NALF1: variants seen among roughly 807,000 people sequenced by gnomAD.
The protein encoded by NALF1 is family with sequence similarity 155 member A.
In NALF1, 3 loss-of-function variants were observed where a neutral mutation model predicts 48.4. That is an observed-to-expected ratio of 0.06 (90% CI 0.03 to 0.16). The LOEUF is 0.16. NALF1 is among the 10% of genes least tolerant of loss of function. The probability of loss-of-function intolerance (pLI) is 1.00; values close to 1 mark genes in which losing one functional copy is unlikely to be tolerated. For missense variants in NALF1, 526 were observed against 571.5 expected (o/e 0.92, Z 0.81); for synonymous variants, 262 against 245.7 (o/e 1.07, Z -0.62).
At chr13:107,860,721 T>C (rs1880549970) in intron 1 of NALF1, among the ~76,000 whole-genome samples, 2 of 152,212 alleles carry the variant, frequency 1.3e-5, no homozygotes, top group Admixed American at 1.3e-4. Context: ...AGAAATAAAA[T>C]TAAAGCAATA....
chr13:107,803,123 G>A (rs1199014217), intron 1 of NALF1, among the ~76,000 whole-genome samples: 4 of 152,112 alleles, frequency 2.6e-5, no homozygotes, highest in Non-Finnish European at 5.9e-5. Context: ...TGTGCTACTA[G>A]GGAATGACCA....
chr13:107,460,685 C>A (rs1205768987), intron 1 of NALF1, among the ~76,000 whole-genome samples: 1 of 152,132 alleles, frequency 6.6e-6, no homozygotes, highest in Non-Finnish European at 1.5e-5. Flanking sequence ...TAATTGTATA[C>A]AGTACGATAT....
intron 1 of NALF1, among the ~76,000 whole-genome samples, chr13:107,783,725 G>A (rs1877990912): frequency 6.6e-6 from 1 of 151,698 alleles, no homozygotes; most frequent in African/African-American, 2.4e-5. Flanking sequence ...CACAAACACT[G>A]CGGAAGGCCG....
At chr13:107,408,742 TGAGA>T (rs1883941921) in intron 1 of NALF1, among the ~76,000 whole-genome samples, 1 of 152,086 alleles carries the variant, frequency 6.6e-6, no homozygotes, top group Admixed American at 6.6e-5. Flanking sequence ...CTTATTCTAC[TGAGA>T]GAGAAAGGCA....
rs892657205 is a variant in NALF1 at position 107,479,591 on chromosome 13, T to C, written c.916-268836A>G. Among the ~76,000 whole-genome samples, 5 of 152,044 alleles carry C rather than the reference T, an allele frequency of 3.3e-5. 1 individual carries two copies. In the South Asian group the frequency reaches 1.0e-3, roughly 31 times the overall value. Reference sequence around the variant, plus strand: ...TTAGAATGGTTAAACAGTTAATTTCTAAACAATTAAAGTACTAGATGAAAT... The same window carrying C: ...TTAGAATGGTTAAACAGTTAATTTCCAAACAATTAAAGTACTAGATGAAAT... On this transcript the variant is annotated intron_variant, in intron 1 of 2. Coordinates refer to ENST00000375915, the MANE Select transcript of NALF1 (RefSeq NM_001080396.3).
intron 1 of NALF1, among the ~76,000 whole-genome samples, chr13:107,807,481 T>C (rs1878836070): frequency 6.6e-6 from 1 of 152,184 alleles, no homozygotes; most frequent in Non-Finnish European, 1.5e-5. Flanking sequence ...ACAGGAAAAG[T>C]CATTGAGCCA....
chr13:107,496,691 G>A (rs538381262), intron 1 of NALF1, among the ~76,000 whole-genome samples: 21 of 152,282 alleles, frequency 1.4e-4, no homozygotes, highest in Admixed American at 2.6e-4. Context: ...ATTTACAAAA[G>A]AAAGAGGTTT....
chr13:107,712,140 A>C (rs1875612247), intron 1 of NALF1, among the ~76,000 whole-genome samples: 2 of 152,192 alleles, frequency 1.3e-5, no homozygotes, highest in Admixed American at 1.3e-4. Context: ...CCTACAATAC[A>C]CACACACATT....
intron 1 of NALF1, among the ~76,000 whole-genome samples, chr13:107,787,249 A>G (rs1045941046): frequency 1.3e-5 from 2 of 152,220 alleles, no homozygotes; most frequent in Non-Finnish European, 2.9e-5. Context: ...AGAAATCCAT[A>G]TATATGCATA....
chr13:107,672,113 G>A (rs547175158), intron 1 of NALF1, among the ~76,000 whole-genome samples: 13 of 152,188 alleles, frequency 8.5e-5, no homozygotes, highest in South Asian at 6.2e-4. Context: ...TCCGGGGTCC[G>A]CATGAGCAGG....
At chr13:107,446,643 A>G (rs1169443707) in intron 1 of NALF1, among the ~76,000 whole-genome samples, 3 of 152,130 alleles carry the variant, frequency 2.0e-5, no homozygotes, top group Non-Finnish European at 4.4e-5. Context: ...CAAAATTTAA[A>G]TATTATTTAT....
intron 2 of NALF1, among the ~76,000 whole-genome samples, chr13:107,183,596 A>G (rs1232039377): frequency 6.6e-6 from 1 of 152,172 alleles, no homozygotes; most frequent in Non-Finnish European, 1.5e-5. Flanking sequence ...ACCAACCCAA[A>G]TGGCCCTCAG....
At chr13:107,326,509 T>C (rs546203822) in intron 1 of NALF1, among the ~76,000 whole-genome samples, 1 of 152,284 alleles carries the variant, frequency 6.6e-6, no homozygotes, top group Non-Finnish European at 1.5e-5. Context: ...CCCCATTTTA[T>C]AGCAATGAAA....
intron 1 of NALF1, among the ~76,000 whole-genome samples, chr13:107,301,429 G>A (rs1881835141): frequency 6.6e-6 from 1 of 152,138 alleles, no homozygotes; most frequent in South Asian, 2.1e-4. Context: ...GTAACATAAA[G>A]TAGTAGCCTC....
chr13:107,251,483 C>T (rs972039732), intron 1 of NALF1, among the ~76,000 whole-genome samples: 5 of 152,288 alleles, frequency 3.3e-5, no homozygotes, highest in African/African-American at 9.6e-5. Context: ...TTGCTGCCTT[C>T]GCCAGTGATG....
intron 1 of NALF1, among the ~76,000 whole-genome samples, chr13:107,276,890 T>A (rs1242748481): frequency 1.3e-5 from 2 of 152,190 alleles, no homozygotes; most frequent in Non-Finnish European, 2.9e-5. Flanking sequence ...ATTTATTTAC[T>A]GAAGATGTCT....
chr13:107,351,299 AG>A (rs1882867785), intron 1 of NALF1, among the ~76,000 whole-genome samples: 1 of 152,146 alleles, frequency 6.6e-6, no homozygotes, highest in African/African-American at 2.4e-5. Flanking sequence ...ATGGTGTGAG[AG>A]TTGCAGATAC....
At chr13:107,184,915 G>C (rs1403564028) in intron 2 of NALF1, among the ~76,000 whole-genome samples, 1 of 152,140 alleles carries the variant, frequency 6.6e-6, no homozygotes, top group Non-Finnish European at 1.5e-5. Context: ...ACCTTATTTG[G>C]AAATAGGGTC....
chr13:107,321,772 T>C (rs900379796), intron 1 of NALF1, among the ~76,000 whole-genome samples: 1 of 152,168 alleles, frequency 6.6e-6, no homozygotes, highest in Non-Finnish European at 1.5e-5. Context: ...AAAATAATCA[T>C]TTCAAATGTG....
Sources: allele counts gnomAD v4.1 joint callset (sites outside exome capture counted in the v4.1 genomes callset), GRCh38; gene constraint gnomAD v4.1.1; transcripts MANE v1.5; gene names NCBI Gene and HGNC (gene_info 2026-07-23, HGNC 2026-07-21).